ULK4: variants seen among roughly 807,000 people sequenced by gnomAD.
The protein encoded by ULK4 is unc-51 like kinase 4.
ULK4 carries 133 observed loss-of-function variants against 160.6 expected under a neutral mutation model. That is an observed-to-expected ratio of 0.83 (90% CI 0.72 to 0.96). ULK4 has a LOEUF of 0.96. Among genes scored for constraint, ULK4 ranks in the 40% least tolerant of loss-of-function variants. The probability of loss-of-function intolerance (pLI) is 0.00; values close to 1 mark genes in which losing one functional copy is unlikely to be tolerated. For missense variants in ULK4, 1,580 were observed against 1,499.5 expected (o/e 1.05, Z -0.89); for synonymous variants, 534 against 539.8 (o/e 0.99, Z 0.15).
chr3:41,420,470 TC>T lies in ULK4; in HGVS notation c.3493-22207del, dbSNP rs1559588084. Among the ~76,000 whole-genome samples, 98 of 122,802 alleles carry T rather than the reference TC, an allele frequency of 8.0e-4. 1 individual carries two copies. Among genetic ancestry groups the T allele is most frequent in the African/African-American group, 2.9e-3 (87 of 29,590 alleles). The allele number at this position is 122,802 out of a possible 152,430, so 80.6% of individuals were successfully genotyped here. ...GTAAGGGATTTTTCAGTTTTCCAGTTCTTTCTTTTTTTTTTTTTTTTTTTTT... is the reference window on the plus strand; with the variant it reads ...GTAAGGGATTTTTCAGTTTTCCAGTTTTTCTTTTTTTTTTTTTTTTTTTTT... On this transcript the variant is annotated intron_variant, in intron 34 of 36. Transcript: ENST00000301831.
At chr3:41,304,417 A>G (rs2079863600) in intron 35 of ULK4, among the ~76,000 whole-genome samples, 1 of 152,210 alleles carries the variant, frequency 6.6e-6, no homozygotes, top group Non-Finnish European at 1.5e-5. Context: ...GACAGTGTAG[A>G]AAGAGTCTAT....
chr3:41,403,841 T>C (rs888498947), intron 34 of ULK4, among the ~76,000 whole-genome samples: 5 of 152,178 alleles, frequency 3.3e-5, no homozygotes, highest in African/African-American at 9.6e-5. Context: ...TGTGACTTCC[T>C]CTTGGACCCA....
chr3:41,439,762 A>G (rs1268757655), intron 34 of ULK4, among the ~76,000 whole-genome samples: 1 of 152,188 alleles, frequency 6.6e-6, no homozygotes, highest in African/African-American at 2.4e-5. Context: ...TCTACAAAAA[A>G]TGTCTGCTGG....
At chr3:41,681,921 G>GGATTAGTGATTA in intron 27 of ULK4, 117 bp from the exon 28 acceptor site, 1 of 1,039,954 alleles carries the variant, frequency 9.6e-7, no homozygotes, top group South Asian at 1.5e-5. Context: ...AAAAAGCAAC[G>GGATTAGTGATTA]GCTAAGTTTA....
chr3:41,908,366 T>C (rs895850065), intron 11 of ULK4, among the ~76,000 whole-genome samples: 2 of 152,204 alleles, frequency 1.3e-5, no homozygotes, highest in Non-Finnish European at 2.9e-5. Flanking sequence ...CTATTTGTAA[T>C]GATTCTTCCT....
At chr3:41,954,484 A>T in intron 2 of ULK4, 138 bp downstream of exon 2, 1 of 883,206 alleles carries the variant, frequency 1.1e-6, no homozygotes, top group Middle Eastern at 2.3e-4. Flanking sequence ...GTGGCACTGA[A>T]CAGATGAAGG....
chr3:41,625,175 A>G (rs1464236728), intron 30 of ULK4, among the ~76,000 whole-genome samples: 1 of 152,224 alleles, frequency 6.6e-6, no homozygotes, highest in Non-Finnish European at 1.5e-5. Context: ...TTTTAATTAA[A>G]AGAATAAAAC....
At chr3:41,823,414 T>C (rs529012443) in intron 18 of ULK4, among the ~76,000 whole-genome samples, 1 of 152,144 alleles carries the variant, frequency 6.6e-6, no homozygotes, top group African/African-American at 2.4e-5. Flanking sequence ...GCTGTGACAA[T>C]GAAGAAAGAA....
intron 29 of ULK4, among the ~76,000 whole-genome samples, chr3:41,673,225 G>A (rs953044858): frequency 1.1e-4 from 17 of 151,972 alleles, no homozygotes; most frequent in African/African-American, 3.9e-4. Flanking sequence ...ATCAAAGATG[G>A]TCAAGTTCAT....
chr3:41,487,937 C>A lies in ULK4; in HGVS notation c.3227-24684G>T, dbSNP rs1011313768. Among the ~76,000 whole-genome samples, 6 of 151,830 alleles carry A rather than the reference C, an allele frequency of 4.0e-5. No individual in the cohort carries two copies. The South Asian group carries it at 1.3e-3, about 32-fold the overall frequency. On this transcript the variant is annotated intron_variant, in intron 32 of 36. Transcript: ENST00000301831. ...AGAAAAAGACAAATACCCCAGTTACCCATGAGCAAAGAATAAAGGACAGCT... is the reference window on the plus strand; with the variant it reads ...AGAAAAAGACAAATACCCCAGTTACACATGAGCAAAGAATAAAGGACAGCT...
At chr3:41,660,389 G>C (rs1016412655) in intron 30 of ULK4, among the ~76,000 whole-genome samples, 1 of 152,182 alleles carries the variant, frequency 6.6e-6, no homozygotes, top group African/African-American at 2.4e-5. Flanking sequence ...CATAGGGGAA[G>C]ATGAGGAAAG....
chr3:41,416,864 G>T (rs1313180404), intron 34 of ULK4, among the ~76,000 whole-genome samples: 1 of 152,146 alleles, frequency 6.6e-6, no homozygotes. Flanking sequence ...GGGCATGAAA[G>T]AGACTAGAGT....
intron 27 of ULK4, among the ~76,000 whole-genome samples, chr3:41,704,170 G>A (rs893784981): frequency 1.6e-4 from 24 of 152,138 alleles, no homozygotes; most frequent in Non-Finnish European, 1.6e-4. Context: ...GTTATGCTGT[G>A]GATGCCCACA....
chr3:41,281,772 T>G (rs2079358375), intron 35 of ULK4, among the ~76,000 whole-genome samples: 1 of 152,218 alleles, frequency 6.6e-6, no homozygotes, highest in Non-Finnish European at 1.5e-5. Flanking sequence ...ACCACTCCTA[T>G]TCAACATAGT....
chr3:41,663,529 C>G, intron 30 of ULK4, 78 bp downstream of exon 30: 2 of 1,348,866 alleles, frequency 1.5e-6, no homozygotes, highest in Non-Finnish European at 2.1e-6. Flanking sequence ...GGAATCTCAT[C>G]TTTAATAACA....
chr3:41,738,432 T>C (rs1012248865), intron 22 of ULK4, among the ~76,000 whole-genome samples: 4 of 151,920 alleles, frequency 2.6e-5, no homozygotes, highest in Non-Finnish European at 5.9e-5. Flanking sequence ...CTCAAAGCCA[T>C]GCTAACTCTG....
chr3:41,319,977 T>C (rs1350804780), intron 35 of ULK4, among the ~76,000 whole-genome samples: 1 of 152,252 alleles, frequency 6.6e-6, no homozygotes, highest in Admixed American at 6.5e-5. Flanking sequence ...AACTTTCTCA[T>C]AACTTAAAGT....
At chr3:41,486,025 C>T (rs867825087) in intron 32 of ULK4, among the ~76,000 whole-genome samples, 1 of 152,176 alleles carries the variant, frequency 6.6e-6, no homozygotes, top group Non-Finnish European at 1.5e-5. Flanking sequence ...AACTGCCGTT[C>T]CTTGGTTTGC....
chr3:41,907,808 A>G, intron 12 of ULK4, 37 bp downstream of exon 12: 1 of 1,372,996 alleles, frequency 7.3e-7, no homozygotes, highest in Non-Finnish European at 9.9e-7. Flanking sequence ...GAGCTTCTAC[A>G]TCTTATGTAG....
Sources: allele counts gnomAD v4.1 joint callset (sites outside exome capture counted in the v4.1 genomes callset), GRCh38; gene constraint gnomAD v4.1.1; transcripts MANE v1.5; gene names NCBI Gene and HGNC (gene_info 2026-07-23, HGNC 2026-07-21).